Variants in ABCG2 observed in about 807,000 individuals in gnomAD.
ABCG2 encodes ATP binding cassette subfamily G member 2 (JR blood group), also known as broad substrate specificity ATP-binding cassette transporter ABCG2.
Under a neutral mutation model 73.5 loss-of-function variants are expected in ABCG2, and 80 were observed. The observed-to-expected ratio is 1.09, with a 90% CI of 0.91 to 1.31. The LOEUF is 1.31. Among genes scored for constraint, ABCG2 ranks in the 50% most tolerant of loss-of-function variants. ABCG2 has a pLI of 0.00. For missense variants in ABCG2, 796 were observed against 786.2 expected, an observed-to-expected ratio of 1.01 and a Z score of -0.15; for synonymous variants, 269 against 282.4, an observed-to-expected ratio of 0.95 and a Z score of 0.48.
At chr4:88,226,903 G>A (rs1014032956) in intron 1 of ABCG2, 1 of 152,308 alleles carries the variant, frequency 6.6e-6, no homozygotes, top group Non-Finnish European at 1.5e-5. Context: ...TTTGAGCCCA[G>A]GAGTTTGAGG....
chr4:88,228,440 C>T (rs1730316177), intron 1 of ABCG2, among the ~76,000 whole-genome samples: 1 of 152,222 alleles, frequency 6.6e-6, no homozygotes, highest in African/African-American at 2.4e-5. Context: ...GGCTGATACT[C>T]AGCCCCACAC....
At chr4:88,141,229 C>G (rs990184895) in intron 1 of ABCG2, among the ~76,000 whole-genome samples, 2 of 152,096 alleles carry the variant, frequency 1.3e-5, no homozygotes, top group East Asian at 3.8e-4. Flanking sequence ...CTGATAAAAG[C>G]AACCAAAGCG....
In ABCG2 at chr4:88,211,370, C is replaced by T. The variant is rs1035049200; in HGVS notation, c.-20+19624G>A. Among the ~76,000 whole-genome samples, 2 of 130,382 alleles carry T rather than the reference C, an allele frequency of 1.5e-5. 1 individual carries two copies. The highest frequency in any genetic ancestry group is 3.4e-5 in the Non-Finnish European group (2 of 58,858). The allele number at this position is 130,382 out of a possible 152,430, so 85.5% of individuals were successfully genotyped here. Reference sequence around the variant, plus strand: ...TTGTTCAACCCCTGCCCCACCCCCCCCCACTTTTGGAGACCCCAGTGTCTG... The same window carrying T: ...TTGTTCAACCCCTGCCCCACCCCCCTCCACTTTTGGAGACCCCAGTGTCTG... On this transcript the variant is annotated intron_variant, in intron 1 of 15. Transcript: ENST00000515655.
At chr4:88,192,016 C>T (rs571792741) in intron 1 of ABCG2, among the ~76,000 whole-genome samples, 20 of 151,440 alleles carry the variant, frequency 1.3e-4, no homozygotes, top group Non-Finnish European at 2.4e-4. Context: ...ATTAAAAATA[C>T]AAAAAATTAG....
chr4:88,201,422 C>G (rs970838354), intron 1 of ABCG2, among the ~76,000 whole-genome samples: 1 of 152,162 alleles, frequency 6.6e-6, no homozygotes, highest in African/African-American at 2.4e-5. Flanking sequence ...AAGATGCAAT[C>G]TGCCAAAATT....
intron 1 of ABCG2, among the ~76,000 whole-genome samples, chr4:88,181,165 G>A (rs1728218651): frequency 1.3e-5 from 2 of 152,032 alleles, no homozygotes; most frequent in South Asian, 4.1e-4. Context: ...ACTTTGGGAG[G>A]CTGAGGTGGA....
intron 5 of ABCG2, 21 bp downstream of exon 5, chr4:88,131,040 C>T (rs1288673180): frequency 7.4e-6 from 12 of 1,613,124 alleles, no homozygotes; most frequent in Non-Finnish European, 9.3e-6. Flanking sequence ...GATCATGATG[C>T]TTTCAGTTTT....
chr4:88,212,992 CTG>C (rs1468687326), intron 1 of ABCG2, among the ~76,000 whole-genome samples: 1 of 152,118 alleles, frequency 6.6e-6, no homozygotes, highest in Non-Finnish European at 1.5e-5. Context: ...CCTTTGAACT[CTG>C]GGGCCCAAAT....
intron 1 of ABCG2, among the ~76,000 whole-genome samples, chr4:88,153,903 C>T (rs1309585791): frequency 2.6e-5 from 4 of 152,116 alleles, no homozygotes; most frequent in African/African-American, 7.2e-5. Context: ...AGATGGAACA[C>T]TGAGAAGTGA....
In ABCG2 at chr4:88,091,550, G is replaced by C. The variant is rs544201888; in HGVS notation, c.*684C>G. Reference sequence around the variant, plus strand: ...CACTGAACTACCCCAAGAAGGTTACGTGACCTCCCAGAGCTAGAATGTTCC... The same window carrying C: ...CACTGAACTACCCCAAGAAGGTTACCTGACCTCCCAGAGCTAGAATGTTCC... On this transcript the variant is annotated 3_prime_UTR_variant, in exon 16 of 16. Coordinates refer to ENST00000237612, the MANE Select transcript of ABCG2 (RefSeq NM_004827.3). The C allele has an allele frequency of 6.6e-6, 1 of 152,068 alleles. No homozygotes were observed. Among genetic ancestry groups the C allele is most frequent in the Non-Finnish European group, 1.5e-5 (1 of 68,018 alleles). The allele number at this position is 152,068 out of a possible 1,614,324, so 9.4% of individuals were successfully genotyped here.
At chr4:88,127,328 A>G (rs1296643792) in intron 5 of ABCG2, among the ~76,000 whole-genome samples, 2 of 152,234 alleles carry the variant, frequency 1.3e-5, no homozygotes, top group African/African-American at 4.8e-5. Context: ...CAATATCATG[A>G]GAATGGCCAT....
chr4:88,177,960 T>C (rs907731103), intron 1 of ABCG2, among the ~76,000 whole-genome samples: 4 of 152,166 alleles, frequency 2.6e-5, no homozygotes, highest in African/African-American at 9.7e-5. Context: ...TAAAGTGCTC[T>C]GGGGTTCTAA....
At position 88,131,284 on chromosome 4, in the gene ABCG2, TACATA is replaced by T. The variant is rs1359988729; in HGVS notation, c.379-76_379-72del. 160 of 1,457,282 alleles carry T rather than the reference TACATA, an allele frequency of 1.1e-4. 2 individuals are homozygous for T. In the South Asian group the frequency reaches 1.9e-3, roughly 17 times the overall value. The allele number at this position is 1,457,282 out of a possible 1,614,324, so 90.3% of individuals were successfully genotyped here. On this transcript the variant is annotated intron_variant, in intron 4 of 15. Transcript: ENST00000237612. ...TTTCTAAGACCATGACTGTTTAGTA[TACATA>T]ACATAATCCACAAAGATAACATAAC...
At chr4:88,113,183 A>G in intron 9 of ABCG2, 120 bp downstream of exon 9, 6 of 1,315,394 alleles carry the variant, frequency 4.6e-6, no homozygotes, top group Non-Finnish European at 6.3e-6. Flanking sequence ...TCTATATCCC[A>G]GGTGGAGTGA....
intron 1 of ABCG2, among the ~76,000 whole-genome samples, chr4:88,173,712 T>C (rs552297185): frequency 6.6e-6 from 1 of 152,210 alleles, no homozygotes; most frequent in South Asian, 2.1e-4. Context: ...ATATCTCTAA[T>C]TTTTGGCCAG....
At chr4:88,215,920 C>T (rs935446791) in intron 1 of ABCG2, among the ~76,000 whole-genome samples, 2 of 152,222 alleles carry the variant, frequency 1.3e-5, no homozygotes, top group African/African-American at 4.8e-5. Flanking sequence ...GAAAGCTCTT[C>T]CATCCACTGA....
chr4:88,092,586 A>G (rs1721709780), intron 15 of ABCG2, among the ~76,000 whole-genome samples: 1 of 152,202 alleles, frequency 6.6e-6, no homozygotes, highest in Non-Finnish European at 1.5e-5. Context: ...GTTAATTCCT[A>G]AAACAATCCA....
At chr4:88,125,829 G>A (rs555815178) in intron 5 of ABCG2, among the ~76,000 whole-genome samples, 1 of 151,990 alleles carries the variant, frequency 6.6e-6, no homozygotes, top group South Asian at 2.1e-4. Context: ...GGAGAAAGTG[G>A]GAAAGATGTA....
intron 1 of ABCG2, among the ~76,000 whole-genome samples, chr4:88,180,595 A>AT (rs1371229828): frequency 2.6e-5 from 4 of 152,062 alleles, no homozygotes; most frequent in Admixed American, 2.6e-4. Context: ...AAATTTTTAA[A>AT]TTTTTTTATG....
Sources: gnomAD v4.1 joint callset for allele counts (sites outside exome capture counted in the v4.1 genomes callset) on GRCh38, gnomAD v4.1.1 for gene constraint, MANE v1.5 for transcripts, NCBI Gene and HGNC (gene_info 2026-07-23, HGNC 2026-07-21) for gene names.